AGBL4: variants seen among roughly 807,000 people sequenced by gnomAD.
AGBL4 encodes AGBL carboxypeptidase 4.
A neutral mutation model predicts 66.4 loss-of-function variants in AGBL4; 58 were observed. The observed-to-expected ratio is 0.87, with a 90% CI of 0.71 to 1.09. AGBL4 has a LOEUF of 1.09. Ranked by LOEUF, AGBL4 falls within the 50% of genes least tolerant of loss-of-function variation. The probability of loss-of-function intolerance (pLI) is 0.00; values close to 1 mark genes in which losing one functional copy is unlikely to be tolerated. For missense variants in AGBL4, 579 were observed against 631.0 expected (o/e 0.92, Z 0.88); for synonymous variants, 234 against 222.9 (o/e 1.05, Z -0.44).
At chr1:49,748,538 G>C (rs1330364428) in intron 2 of AGBL4, among the ~76,000 whole-genome samples, 1 of 152,174 alleles carries the variant, frequency 6.6e-6, no homozygotes, top group African/African-American at 2.4e-5. Context: ...TAATGGGATG[G>C]CTGGGTCAAA....
At chr1:49,937,310 C>A (rs1026757854) in intron 1 of AGBL4, among the ~76,000 whole-genome samples, 1 of 152,016 alleles carries the variant, frequency 6.6e-6, no homozygotes, top group Non-Finnish European at 1.5e-5. Context: ...TATATATGCA[C>A]CCAATACAGG....
At chr1:49,547,287 T>C (rs1013744488) in intron 3 of AGBL4, among the ~76,000 whole-genome samples, 2 of 152,170 alleles carry the variant, frequency 1.3e-5, no homozygotes, top group Admixed American at 1.3e-4. Context: ...TGTTTTTGTT[T>C]GCTTTGTCAA....
rs1311824055 is a variant in AGBL4 at position 49,995,409 on chromosome 1, G to T, written c.34+28354C>A. On this transcript the variant is annotated intron_variant, in intron 1 of 13. Coordinates refer to ENST00000371839, the MANE Select transcript of AGBL4 (RefSeq NM_032785.4). Reference sequence around the variant, plus strand: ...CTTCCCTGGCCACCTGTATGATGCAGAAGAGGCAGCCATAATCCCCCTGAG... The same window carrying T: ...CTTCCCTGGCCACCTGTATGATGCATAAGAGGCAGCCATAATCCCCCTGAG... 4.2e-5 allele frequency: 17 copies of T among 402,886 alleles called. No homozygotes were observed. In the Admixed American group the frequency reaches 4.3e-4, roughly 10 times the overall value. The allele number at this position is 402,886 out of a possible 1,614,324, so 25.0% of individuals were successfully genotyped here. A position where few individuals can be genotyped will look rare whatever the true frequency, so the allele number is the denominator to read the frequency against.
intron 6 of AGBL4, among the ~76,000 whole-genome samples, chr1:48,740,918 C>T (rs1452362015): frequency 1.3e-5 from 2 of 152,152 alleles, no homozygotes; most frequent in Admixed American, 1.3e-4. Context: ...AAATAAAAAC[C>T]AGGTTAGTCT....
chr1:49,498,945 T>C lies in AGBL4; in HGVS notation c.282+198368A>G, dbSNP rs114707489. Among the ~76,000 whole-genome samples, 839 of 152,192 alleles carry C rather than the reference T, an allele frequency of 5.5e-3. 4 individuals carry two copies. Among genetic ancestry groups the C allele is most frequent in the Middle Eastern group, 0.02 (6 of 294 alleles). ...GGGTAATGATAACTTTCATGTGCTA[T>C]TGAATTTAGGTTGCTAACATTTTGT... On this transcript the variant is annotated intron_variant, in intron 3 of 13. Transcript: ENST00000371839.
chr1:48,670,946 C>G (rs1646266936), intron 6 of AGBL4, among the ~76,000 whole-genome samples: 1 of 152,220 alleles, frequency 6.6e-6, no homozygotes, highest in Admixed American at 6.5e-5. Flanking sequence ...CTCAACAGGG[C>G]CTTTCAACAA....
chr1:49,003,540 G>A (rs149051217), intron 5 of AGBL4, among the ~76,000 whole-genome samples: 2 of 152,316 alleles, frequency 1.3e-5, no homozygotes, highest in African/African-American at 4.8e-5. Flanking sequence ...GGTACTAGGA[G>A]CTTTTAAGTA....
At chr1:49,554,315 A>T (rs1162829981) in intron 3 of AGBL4, among the ~76,000 whole-genome samples, 3 of 152,208 alleles carry the variant, frequency 2.0e-5, no homozygotes, top group African/African-American at 7.2e-5. Context: ...TCTCTCCAGG[A>T]CAAGCAATCA....
At chr1:49,271,940 T>C (rs1025311940) in intron 3 of AGBL4, among the ~76,000 whole-genome samples, 1 of 152,156 alleles carries the variant, frequency 6.6e-6, no homozygotes, top group Non-Finnish European at 1.5e-5. Context: ...CAAAAGTTAC[T>C]TCATGCTGTG....
At chr1:49,607,609 T>C (rs776748671) in intron 3 of AGBL4, among the ~76,000 whole-genome samples, 5 of 152,146 alleles carry the variant, frequency 3.3e-5, no homozygotes, top group Non-Finnish European at 7.4e-5. Flanking sequence ...ATCATATTTC[T>C]TTCAATCCTT....
chr1:48,628,096 C>T (rs1228398633), intron 9 of AGBL4, among the ~76,000 whole-genome samples: 2 of 152,152 alleles, frequency 1.3e-5, no homozygotes, highest in East Asian at 3.8e-4. Context: ...CTCTACAGTG[C>T]CGGGTTCTGT....
chr1:49,548,827 GT>G (rs1447530863), intron 3 of AGBL4, among the ~76,000 whole-genome samples: 3 of 152,066 alleles, frequency 2.0e-5, no homozygotes, highest in African/African-American at 4.8e-5. Flanking sequence ...TTTTCTCTAT[GT>G]TGTGGAATAG....
intron 4 of AGBL4, among the ~76,000 whole-genome samples, chr1:49,097,405 G>T (rs950062932): frequency 6.6e-6 from 1 of 152,100 alleles, no homozygotes; most frequent in East Asian, 1.9e-4. Context: ...GATGTGTTCA[G>T]ATCATGAAAA....
chr1:49,933,155 G>T lies in AGBL4; in HGVS notation c.35-81637C>A, dbSNP rs145776236. Reference sequence around the variant, plus strand: ...AATTTTCAAAATTTAAAGGCAGAAAGAAATTTGAAAGCAGCAAGATAAAAA... The same window carrying T: ...AATTTTCAAAATTTAAAGGCAGAAATAAATTTGAAAGCAGCAAGATAAAAA... On this transcript the variant is annotated intron_variant, in intron 1 of 13. Coordinates refer to ENST00000371839, the MANE Select transcript of AGBL4 (RefSeq NM_032785.4). Among the ~76,000 whole-genome samples the T allele has an allele frequency of 1.6e-3, 251 of 152,208 alleles. 2 individuals carry two copies. The South Asian group carries it at 0.021, about 13-fold the overall frequency.
chr1:49,641,949 C>A (rs1645789630), intron 3 of AGBL4, among the ~76,000 whole-genome samples: 1 of 151,868 alleles, frequency 6.6e-6, no homozygotes, highest in Admixed American at 6.6e-5. Flanking sequence ...CTCTTTATTT[C>A]CAAATTTCAG....
At chr1:48,726,496 T>C (rs1168290927) in intron 6 of AGBL4, among the ~76,000 whole-genome samples, 1 of 152,346 alleles carries the variant, frequency 6.6e-6, no homozygotes, top group African/African-American at 2.4e-5. Flanking sequence ...TAACATACTA[T>C]GTTAAACACT....
intron 5 of AGBL4, among the ~76,000 whole-genome samples, chr1:48,875,381 TAAA>T (rs1649120390): frequency 6.6e-6 from 1 of 152,042 alleles, no homozygotes; most frequent in South Asian, 2.1e-4. Context: ...ATCAGAATAA[TAAA>T]AAATGCTTTA....
chr1:49,173,961 A>G (rs1353850405), intron 4 of AGBL4, among the ~76,000 whole-genome samples: 2 of 152,220 alleles, frequency 1.3e-5, no homozygotes, highest in East Asian at 3.8e-4. Flanking sequence ...AACTAAGCAT[A>G]TGATTTGTCA....
chr1:49,437,542 G>C (rs577068399), intron 3 of AGBL4, among the ~76,000 whole-genome samples: 1 of 152,160 alleles, frequency 6.6e-6, no homozygotes, highest in South Asian at 2.1e-4. Context: ...AATACCTTAC[G>C]TTTTTACTTG....
Sources: gnomAD v4.1 joint callset for allele counts (sites outside exome capture counted in the v4.1 genomes callset) on GRCh38, gnomAD v4.1.1 for gene constraint, MANE v1.5 for transcripts, NCBI Gene and HGNC (gene_info 2026-07-23, HGNC 2026-07-21) for gene names.